GPATCH3: variants seen among roughly 807,000 people sequenced by gnomAD.
GPATCH3 encodes the protein G-patch domain containing 3.
In GPATCH3, 45 loss-of-function variants were observed where a neutral mutation model predicts 53.2. The ratio of observed to expected loss-of-function variants is 0.85; its 90% CI spans 0.67 to 1.08. The LOEUF is 1.08. Among genes scored for constraint, GPATCH3 ranks in the 50% least tolerant of loss-of-function variants. The pLI is 0.00. For synonymous variants in GPATCH3, 280 were observed against 270.6 expected, an observed-to-expected ratio of 1.03 and a Z score of -0.34; for missense variants, 680 against 687.2, an observed-to-expected ratio of 0.99 and a Z score of 0.12.
intron 3 of GPATCH3, 45 bp from the exon 4 acceptor site, chr1:26,893,493 C>A: frequency 8.5e-7 from 1 of 1,171,612 alleles, no homozygotes; most frequent in Non-Finnish European, 1.3e-6. Context: ...TAAGGACTCT[C>A]AGTTCTATTA....
chr1:26,892,859 G>A, intron 4 of GPATCH3, 68 bp from the exon 5 acceptor site: 1 of 1,573,598 alleles, frequency 6.4e-7, no homozygotes. Flanking sequence ...AGGTTTCTAG[G>A]ACCCCCTCGT....
chr1:26,891,070 T>A lies in GPATCH3; in HGVS notation c.1518A>T (p.Thr506=), dbSNP rs750418055. 3 of 1,614,042 alleles carry A rather than the reference T, an allele frequency of 1.9e-6. No homozygotes were observed. Among genetic ancestry groups the A allele is most frequent in the South Asian group, 2.2e-5 (2 of 91,078 alleles). ...TGGAACCCCTCACAAAGGCCATGTC[T>A]GTCCGAAACTTCATGCTGGTGGGTG... is the stretch of plus-strand genomic sequence containing the variant. ...RQPPTSMKFR[T]DMAFVRGSSC... The change falls in exon 7 of 7, where the codon ACA becomes ACT. Residue 506 remains threonine (T), a synonymous_variant. Coordinates refer to ENST00000361720, the MANE Select transcript of GPATCH3 (RefSeq NM_022078.3).
rs187733317 is a variant in GPATCH3 at position 26,899,618 on chromosome 1, T to C, written c.451+374A>G. 3.3e-5 allele frequency among the ~76,000 whole-genome samples: 5 copies of C among 152,338 alleles called. No individual in the cohort carries two copies. The East Asian group carries it at 9.6e-4, about 29-fold the overall frequency. ...AAGTGGGAGCTGTCCAGAGAAAAGA[T>C]TGTCTCTTCATTTGTATCTTACTGA... is the stretch of plus-strand genomic sequence containing the variant. On this transcript the variant is annotated intron_variant, in intron 1 of 6. Coordinates refer to ENST00000361720, the MANE Select transcript of GPATCH3 (RefSeq NM_022078.3).
rs777822303 is a variant in GPATCH3, at chr1:26,892,756, T to C, written c.1147A>G (p.Met383Val). The part of the protein sequence containing the change: ...GDKDARDSVQ[M>V]RLEQRLRDGQ... ...TCTCGGAGTCTCTGTTCCAGACGCA[T>C]TTGGACAGAGTCTCGGGCATCCTTG... Residue 383 changes from methionine (M) to valine (V), a missense_variant, in exon 5 of 7, where the codon ATG becomes GTG. Met to Val is a conservative substitution (Grantham distance 21). Coordinates refer to ENST00000361720, the MANE Select transcript of GPATCH3 (RefSeq NM_022078.3). The C allele has an allele frequency of 4.3e-6, 7 of 1,613,954 alleles. No homozygotes were observed. The Admixed American group carries it at 1.2e-4, about 27-fold the overall frequency.
chr1:26,894,109 A>G, intron 3 of GPATCH3, 127 bp downstream of exon 3: 1 of 880,704 alleles, frequency 1.1e-6, no homozygotes, highest in East Asian at 2.5e-5. Context: ...CTCGTATACA[A>G]TAGAGGTCAG....
At chr1:26,893,028 C>A in intron 4 of GPATCH3, 1 of 571,824 alleles carries the variant, frequency 1.7e-6, no homozygotes, top group Non-Finnish European at 3.1e-6. Flanking sequence ...GGATTAGAAC[C>A]CAGGTCTTCC....
At chr1:26,895,119 T>C (rs1277235522) in intron 2 of GPATCH3, among the ~76,000 whole-genome samples, 3 of 152,076 alleles carry the variant, frequency 2.0e-5, no homozygotes, top group Non-Finnish European at 4.4e-5. Context: ...GGGCAGGAAA[T>C]GGGTCTTAGA....
chr1:26,897,779 G>A, intron 1 of GPATCH3, 54 bp from the exon 2 acceptor site: 10 of 1,446,810 alleles, frequency 6.9e-6, no homozygotes, highest in Non-Finnish European at 9.3e-6. Flanking sequence ...AGCAACACTT[G>A]AGCCAGAAAT....
chr1:26,890,886 G>T lies in GPATCH3; in HGVS notation c.*124C>A. ...TAGAACCGGCAGGCAGGCAGGCTCG[G>T]AACAAAACACCCTGAACCAGCCACG... On this transcript the variant is annotated 3_prime_UTR_variant, in exon 7 of 7. Coordinates refer to ENST00000361720, the MANE Select transcript of GPATCH3 (RefSeq NM_022078.3). 1 of 970,858 alleles carries T rather than the reference G, an allele frequency of 1.0e-6. No homozygotes were observed. Among genetic ancestry groups the T allele is most frequent in the Non-Finnish European group, 1.7e-6 (1 of 594,740 alleles). 60.1% of individuals were successfully genotyped at this position (970,858 alleles called of 1,614,324 possible).
intron 3 of GPATCH3, 55 bp downstream of exon 3, chr1:26,894,181 C>A: frequency 1.3e-6 from 2 of 1,564,914 alleles, no homozygotes; most frequent in Non-Finnish European, 1.7e-6. Context: ...GAACAGGGAA[C>A]CCCAAAAGAA....
rs747181344 is a variant in GPATCH3, at chr1:26,890,761, C to T, written c.*249G>A. On this transcript the variant is annotated 3_prime_UTR_variant, in exon 7 of 7. Coordinates refer to ENST00000361720, the MANE Select transcript of GPATCH3 (RefSeq NM_022078.3). ...GTTCTGCAGGAGGCAAAGGGCAAGC[C>T]CAGAGATTAGGGTTAGAGACCAAAG... 7 of 717,832 alleles carry T rather than the reference C, an allele frequency of 9.8e-6. No homozygotes were observed. The highest frequency in any genetic ancestry group is 9.7e-5 in the South Asian group (7 of 72,246). The allele number at this position is 717,832 out of a possible 1,614,324, so 44.5% of individuals were successfully genotyped here. A position where few individuals can be genotyped will look rare whatever the true frequency, so the allele number is the denominator to read the frequency against.
chr1:26,897,233 A>G, intron 2 of GPATCH3, 68 bp downstream of exon 2: 1 of 1,439,368 alleles, frequency 6.9e-7, no homozygotes, highest in Non-Finnish European at 9.6e-7. Context: ...ACAATTGAAG[A>G]GTGGTATTAT....
chr1:26,899,311 C>T (rs2081964319), intron 1 of GPATCH3, among the ~76,000 whole-genome samples: 1 of 152,194 alleles, frequency 6.6e-6, no homozygotes, highest in South Asian at 2.1e-4. Flanking sequence ...ACAACAGCTC[C>T]TATCTCATAG....
intron 4 of GPATCH3, 164 bp from the exon 5 acceptor site, chr1:26,892,955 C>T: frequency 1.3e-6 from 1 of 754,406 alleles, no homozygotes; most frequent in Non-Finnish European, 2.2e-6. Context: ...TGGCTCTCCC[C>T]AATCATACAG....
intron 2 of GPATCH3, among the ~76,000 whole-genome samples, chr1:26,896,389 AT>A (rs1466531264): frequency 6.6e-6 from 1 of 151,652 alleles, no homozygotes; most frequent in Non-Finnish European, 1.5e-5. Context: ...GCTGGAAATA[AT>A]TTTTAAAAAA....
chr1:26,897,888 G>A (rs2081958398), intron 1 of GPATCH3, among the ~76,000 whole-genome samples, 163 bp from the exon 2 acceptor site: 1 of 152,190 alleles, frequency 6.6e-6, no homozygotes, highest in African/African-American at 2.4e-5. Flanking sequence ...TGTGATCCCA[G>A]CACTTTGGGA....
chr1:26,897,867 T>C (rs2081958279), intron 1 of GPATCH3, 142 bp from the exon 2 acceptor site: 1 of 709,534 alleles, frequency 1.4e-6, no homozygotes, highest in African/African-American at 1.8e-5. Flanking sequence ...GCCGACACAG[T>C]GGCTCACGCT....
chr1:26,891,280 G>GGGTT (rs1270509279), intron 6 of GPATCH3, 54 bp from the exon 7 acceptor site: 1 of 1,426,962 alleles, frequency 7.0e-7, no homozygotes, highest in African/African-American at 1.4e-5. Flanking sequence ...CCAGTTAAAG[G>GGGTT]GGTTGGGAGA....
Position 26,894,315 on chromosome 1 carries a change from C to T in GPATCH3, c.972G>A (p.Glu324=). Residue 324 remains glutamate, a synonymous_variant, in exon 3 of 7, where the codon GAG becomes GAA. Coordinates refer to ENST00000361720, the MANE Select transcript of GPATCH3 (RefSeq NM_022078.3). The stretch of plus-strand genomic sequence containing the variant: ...CACCCTTCTCCCACTTGAGCTCAAT[C>T]TCCTCCTCAAAGAGCTGCTCAGTGG... ...ERTTEQLFEE[E]IELKWEKGGS... is the part of the protein sequence containing the mutation. 1.2e-6 allele frequency: 2 copies of T among 1,614,168 alleles called. No homozygotes were observed. The highest frequency in any genetic ancestry group is 1.7e-6 in the Non-Finnish European group (2 of 1,180,038).
Sources: gnomAD v4.1 joint callset for allele counts (sites outside exome capture counted in the v4.1 genomes callset) on GRCh38, gnomAD v4.1.1 for gene constraint, MANE v1.5 for transcripts, NCBI Gene and HGNC (gene_info 2026-07-23, HGNC 2026-07-21) for gene names.